Variants in NR2F1-AS1 observed in about 807,000 individuals in gnomAD.
NR2F1-AS1 encodes NR2F1 antisense RNA 1.
intron 4 of NR2F1-AS1, among the ~76,000 whole-genome samples, chr5:93,508,254 T>C (rs1751226857): frequency 6.6e-6 from 1 of 152,138 alleles, no homozygotes. Flanking sequence ...AATATTGTCA[T>C]AGAGATAAAC....
chr5:93,501,013 T>A (rs1228103019), intron 4 of NR2F1-AS1, among the ~76,000 whole-genome samples: 1 of 152,162 alleles, frequency 6.6e-6, no homozygotes, highest in African/African-American at 2.4e-5. Flanking sequence ...GAAAGCCTTC[T>A]GGAAAAGATT....
intron 4 of NR2F1-AS1, among the ~76,000 whole-genome samples, chr5:93,447,404 A>G (rs1182328724): frequency 6.6e-6 from 1 of 152,390 alleles, no homozygotes; most frequent in African/African-American, 2.4e-5. Context: ...AGATAGGAAC[A>G]GACACTTCTC....
chr5:93,409,873 T>C (rs910562322), intron 4 of NR2F1-AS1: 4 of 152,204 alleles, frequency 2.6e-5, no homozygotes, highest in African/African-American at 4.8e-5. Flanking sequence ...ACTTACACAA[T>C]GCATTTCTCA....
rs193006786 is a variant in NR2F1-AS1 at position 93,472,828 on chromosome 5, A to C, written n.639-77286T>G. On this transcript the variant is annotated intron_variant and non_coding_transcript_variant, in intron 4 of 5. Coordinates refer to ENST00000660523, the Ensembl canonical transcript of NR2F1-AS1. ...TAATCTGAACATTACCTTCCCTTTAAACAAAGCATTCCAGTGATATCTAAA... is the reference window on the plus strand; with the variant it reads ...TAATCTGAACATTACCTTCCCTTTACACAAAGCATTCCAGTGATATCTAAA... Among the ~76,000 whole-genome samples, 5 of 151,998 alleles carry C rather than the reference A, an allele frequency of 3.3e-5. No homozygotes were observed. In the East Asian group the frequency reaches 9.6e-4, roughly 29 times the overall value.
intron 4 of NR2F1-AS1, among the ~76,000 whole-genome samples, chr5:93,414,770 T>A (rs1330413439): frequency 6.6e-6 from 1 of 152,118 alleles, no homozygotes; most frequent in African/African-American, 2.4e-5. Flanking sequence ...AATTTATTCA[T>A]CCTTTTAATT....
At chr5:93,436,176 G>A (rs1749427102) in intron 4 of NR2F1-AS1, among the ~76,000 whole-genome samples, 1 of 152,130 alleles carries the variant, frequency 6.6e-6, no homozygotes, top group South Asian at 2.1e-4. Flanking sequence ...CTCACCATTT[G>A]CTTTTCCCAA....
chr5:93,518,729 G>C (rs1311808049), intron 4 of NR2F1-AS1, among the ~76,000 whole-genome samples: 1 of 151,888 alleles, frequency 6.6e-6, no homozygotes, highest in Non-Finnish European at 1.5e-5. Flanking sequence ...AAGCATTTTG[G>C]TATTTAAGTA....
At chr5:93,548,625 G>C (rs1752145330) in intron 4 of NR2F1-AS1, among the ~76,000 whole-genome samples, 1 of 152,154 alleles carries the variant, frequency 6.6e-6, no homozygotes, top group Non-Finnish European at 1.5e-5. Flanking sequence ...CACTTTGGGA[G>C]GCCAAGGTGG....
intron 4 of NR2F1-AS1, among the ~76,000 whole-genome samples, chr5:93,461,543 C>T (rs985151391): frequency 6.6e-6 from 1 of 151,778 alleles, no homozygotes; most frequent in African/African-American, 2.4e-5. Flanking sequence ...AACAGGGGCT[C>T]AAAATAGAAA....
chr5:93,549,662 T>TGACTGAATTTTGTGCAGGATTCTCAA (rs1458977029), intron 4 of NR2F1-AS1, among the ~76,000 whole-genome samples: 1 of 152,162 alleles, frequency 6.6e-6, no homozygotes, highest in African/African-American at 2.4e-5. Flanking sequence ...ACTAAGGGAA[T>TGACTGAATTTTGTGCAGGATTCTCAA]GACTGAATTT....
intron 4 of NR2F1-AS1, among the ~76,000 whole-genome samples, chr5:93,484,119 C>T (rs779506715): frequency 4.6e-5 from 7 of 152,100 alleles, no homozygotes; most frequent in Non-Finnish European, 8.8e-5. Flanking sequence ...AGATACTCCT[C>T]GAGAAGAGCA....
intron 4 of NR2F1-AS1, among the ~76,000 whole-genome samples, chr5:93,517,602 A>ATCC (rs1360451798): frequency 1.3e-5 from 2 of 152,058 alleles, no homozygotes; most frequent in African/African-American, 2.4e-5. Flanking sequence ...ATTGCAGAAT[A>ATCC]TCCTCAAAGA....
chr5:93,433,127 C>T (rs1046527494), intron 4 of NR2F1-AS1, among the ~76,000 whole-genome samples: 1 of 152,166 alleles, frequency 6.6e-6, no homozygotes, highest in African/African-American at 2.4e-5. Flanking sequence ...ACAAAGTTCT[C>T]TCGTATCTTA....
At chr5:93,444,438 C>G (rs1749647077) in intron 4 of NR2F1-AS1, among the ~76,000 whole-genome samples, 1 of 152,000 alleles carries the variant, frequency 6.6e-6, no homozygotes, top group Non-Finnish European at 1.5e-5. Flanking sequence ...CAACTAAGAC[C>G]AAAAGAGACA....
upstream of NR2F1-AS1, chr5:93,581,420 G>A (rs971527786): frequency 6.6e-6 from 1 of 152,120 alleles, no homozygotes; most frequent in Non-Finnish European, 1.5e-5. Context: ...CCCCCAGTAC[G>A]ATCTTTCAAG....
chr5:93,428,692 C>G (rs1749246016), intron 4 of NR2F1-AS1, among the ~76,000 whole-genome samples: 1 of 152,098 alleles, frequency 6.6e-6, no homozygotes, highest in African/African-American at 2.4e-5. Flanking sequence ...GAAATGGCAT[C>G]AGAAAAATCA....
At chr5:93,581,035 G>A (rs967521637), upstream of NR2F1-AS1, 1 of 152,336 alleles carries the variant, frequency 6.6e-6, no homozygotes, top group African/African-American at 2.4e-5. Context: ...CGACTTGTAG[G>A]CTGGAGAGAC....
At chr5:93,516,586 C>T (rs938070879) in intron 4 of NR2F1-AS1, among the ~76,000 whole-genome samples, 11 of 151,818 alleles carry the variant, frequency 7.2e-5, no homozygotes, top group Non-Finnish European at 1.3e-4. Context: ...AAGTATAATA[C>T]TGTTAGCCCT....
intron 4 of NR2F1-AS1, among the ~76,000 whole-genome samples, chr5:93,488,944 T>C (rs1254254766): frequency 1.3e-5 from 2 of 152,192 alleles, no homozygotes. Context: ...TCATGTCCTT[T>C]GCAGTGACAT....
Sources: allele counts gnomAD v4.1 joint callset (sites outside exome capture counted in the v4.1 genomes callset), GRCh38; gene constraint gnomAD v4.1.1; transcripts MANE v1.5; gene names NCBI Gene and HGNC (gene_info 2026-07-23, HGNC 2026-07-21).